ZNF90: variants seen among roughly 807,000 people sequenced by gnomAD.
The protein encoded by ZNF90 is zinc finger protein 90.
A neutral mutation model predicts 12.0 loss-of-function variants in ZNF90; 11 were observed. That is an observed-to-expected ratio of 0.92 (90% CI 0.58 to 1.52). The LOEUF is 1.52. Among genes scored for constraint, ZNF90 ranks in the 40% most tolerant of loss-of-function variants. The pLI, the probability that ZNF90 is intolerant of heterozygous loss-of-function variation, is 0.00. For synonymous variants in ZNF90, 232 were observed against 240.1 expected (o/e 0.97, Z 0.31); for missense variants, 765 against 711.5 (o/e 1.08, Z -0.86).
intron 1 of ZNF90, among the ~76,000 whole-genome samples, chr19:20,079,158 A>C (rs7246986): frequency 1.8e-4 from 27 of 150,626 alleles, no homozygotes; most frequent in African/African-American, 6.6e-4. Context: ...TAAAATTTCC[A>C]TCCTTTATGT....
At chr19:20,082,115 T>G (rs934586146) in intron 1 of ZNF90, among the ~76,000 whole-genome samples, 28 of 152,086 alleles carry the variant, frequency 1.8e-4, no homozygotes, top group Admixed American at 1.6e-3. Context: ...ACATATGGGT[T>G]TGTTATACAG....
intron 2 of ZNF90, 59 bp from the exon 3 acceptor site, chr19:20,105,162 A>G (rs1322549371): frequency 1.5e-6 from 2 of 1,347,564 alleles, no homozygotes; most frequent in Non-Finnish European, 2.1e-6. Flanking sequence ...TGAGCACAGT[A>G]CTAGCTTGTA....
At chr19:20,093,160 C>T (rs574693403) in intron 1 of ZNF90, among the ~76,000 whole-genome samples, 18 of 152,156 alleles carry the variant, frequency 1.2e-4, no homozygotes, top group South Asian at 6.2e-4. Flanking sequence ...AAAGAGTGTA[C>T]GGGTTGGGCA....
chr19:20,117,013 T>TTGTGTGTGTGTGTGTGTG (rs371655051), intron 3 of ZNF90, among the ~76,000 whole-genome samples: 22 of 128,700 alleles, frequency 1.7e-4, no homozygotes, highest in African/African-American at 7.1e-4. Flanking sequence ...CAACTTACAT[T>TTGTGTGTGTGTGTGTGTG]TGTGTGTGTG....
Position 20,119,539 on chromosome 19 carries a change from A to C in ZNF90, c.*179A>C, listed in dbSNP as rs2089178145. 1.6e-6 allele frequency: 1 copy of C among 621,922 alleles called. No homozygotes were observed. The highest frequency in any genetic ancestry group is 2.8e-5 in the East Asian group (1 of 35,376). The allele number at this position is 621,922 out of a possible 1,614,324, so 38.5% of individuals were successfully genotyped here. On this transcript the variant is annotated 3_prime_UTR_variant, in exon 4 of 4. Transcript: ENST00000418063. ...GACAAATCATTTTAAGGAAGTTCTC[A>C]ACCCTTACTACACATAATTCATACT...
At chr19:20,095,029 ACTTAGC>A (rs2088931972) in intron 1 of ZNF90, among the ~76,000 whole-genome samples, 1 of 151,870 alleles carries the variant, frequency 6.6e-6, no homozygotes, top group South Asian at 2.1e-4. Flanking sequence ...AAGAATTGGG[ACTTAGC>A]TCGGCCTGGC....
intron 3 of ZNF90, among the ~76,000 whole-genome samples, chr19:20,108,272 A>G (rs2089056638): frequency 6.6e-6 from 1 of 152,334 alleles, no homozygotes; most frequent in East Asian, 1.9e-4. Flanking sequence ...TGATGAATAC[A>G]TAGTGATGGT....
intron 1 of ZNF90, among the ~76,000 whole-genome samples, chr19:20,098,291 A>G (rs532490783): frequency 2.4e-4 from 36 of 152,230 alleles, no homozygotes; most frequent in Non-Finnish European, 4.7e-4. Context: ...GAAAACTAAC[A>G]AAAGGCATTT....
rs782813681 is a variant in ZNF90 at position 20,105,251 on chromosome 19, C to T, written c.161C>T (p.Thr54Ile). The change falls in exon 3 of 4, where the codon ACC becomes ATC. Residue 54 changes from threonine (T) to isoleucine (I), a missense_variant. Transcript: ENST00000418063. ...GIVVTKPDLI[T>I]CLEQGKKPFT... ...GTTGTCACTAAGCCAGACCTGATCA[C>T]CTGTCTGGAGCAAGGAAAAAAACCC... The T allele has an allele frequency of 6.2e-7, 1 of 1,606,700 alleles. No individual in the cohort carries two copies. The highest frequency in any genetic ancestry group is 1.3e-5 in the African/African-American group (1 of 74,588).
At chr19:20,086,711 T>G (rs1203499096) in intron 1 of ZNF90, among the ~76,000 whole-genome samples, 1 of 152,228 alleles carries the variant, frequency 6.6e-6, no homozygotes, top group African/African-American at 2.4e-5. Context: ...ACTATATACA[T>G]TATGACTAGT....
At chr19:20,111,333 T>A (rs1429180157) in intron 3 of ZNF90, among the ~76,000 whole-genome samples, 2 of 152,084 alleles carry the variant, frequency 1.3e-5, no homozygotes, top group Non-Finnish European at 2.9e-5. Flanking sequence ...GATGATCTCA[T>A]TTCAGCCTTT....
intron 1 of ZNF90, among the ~76,000 whole-genome samples, chr19:20,092,133 G>A (rs1403080137): frequency 2.0e-5 from 3 of 152,166 alleles, no homozygotes; most frequent in Admixed American, 1.3e-4. Flanking sequence ...TTTAAGTCCA[G>A]GCCAGGAACA....
intron 1 of ZNF90, among the ~76,000 whole-genome samples, chr19:20,101,461 C>T (rs1568287405): frequency 6.6e-6 from 1 of 152,296 alleles, no homozygotes; most frequent in East Asian, 1.9e-4. Context: ...CAAAGACCCA[C>T]CCCTTAACTA....
rs146825399 is a variant in ZNF90, at chr19:20,094,688, C to G, written c.4-9551C>G. Among the ~76,000 whole-genome samples the G allele has an allele frequency of 4.2e-3, 633 of 152,242 alleles. 5 individuals carry two copies. The highest frequency in any genetic ancestry group is 0.015 in the African/African-American group (605 of 41,546). On this transcript the variant is annotated intron_variant, in intron 1 of 3. Coordinates refer to ENST00000418063, the MANE Select transcript of ZNF90 (RefSeq NM_007138.2). ...ATGAGATTGGGCTAGAGAAGAAACT[C>G]TTTCCCATTCATCTGGGGAGAGGGT... is the stretch of plus-strand genomic sequence containing the variant.
rs371388193 is a variant in ZNF90, at chr19:20,079,314, T to G, written c.3+1179T>G. ...AAGCCTGCAAAAGGAGGGTTTTTTT[T>G]TTTTTTTTGAGATGGAGTTTGTCCA... On this transcript the variant is annotated intron_variant, in intron 1 of 3. Transcript: ENST00000418063. 3.9e-3 allele frequency among the ~76,000 whole-genome samples: 595 copies of G among 151,814 alleles called. 5 individuals carry two copies. Among genetic ancestry groups the G allele is most frequent in the Middle Eastern group, 0.017 (5 of 294 alleles).
chr19:20,095,959 G>GTATAAT (rs2088941830), intron 1 of ZNF90, among the ~76,000 whole-genome samples: 1 of 152,188 alleles, frequency 6.6e-6, no homozygotes, highest in African/African-American at 2.4e-5. Context: ...AATCAGAGAG[G>GTATAAT]CATCCCTGCA....
intron 1 of ZNF90, among the ~76,000 whole-genome samples, chr19:20,093,438 G>A (rs1367751278): frequency 6.6e-6 from 1 of 152,138 alleles, no homozygotes; most frequent in Non-Finnish European, 1.5e-5. Flanking sequence ...GCCAGGGAAG[G>A]AGTAGAGATG....
Position 20,118,452 on chromosome 19 carries a change from C to A in ZNF90, c.898C>A (p.Leu300Ile), listed in dbSNP as rs565386984. 79 of 1,613,028 alleles carry A rather than the reference C, an allele frequency of 4.9e-5. 1 individual carries two copies. In the South Asian group the frequency reaches 7.9e-4, roughly 16 times the overall value. ...CAGAGCATTTATTTCATCCTCGATC[C>A]TTTATGTACATAAGATAAGTCATAC... ...CGRAFISSSI[L>I]YVHKISHTEE... Residue 300 changes from leucine to isoleucine, a missense_variant, in exon 4 of 4, where the codon CTT becomes ATT. Coordinates refer to ENST00000418063, the MANE Select transcript of ZNF90 (RefSeq NM_007138.2).
chr19:20,106,013 T>A (rs1599649558), intron 3 of ZNF90, among the ~76,000 whole-genome samples: 1 of 148,188 alleles, frequency 6.7e-6, no homozygotes, highest in African/African-American at 2.5e-5. Flanking sequence ...TAAAATATTT[T>A]AAAATTTATT....
Sources: gnomAD v4.1 joint callset for allele counts (sites outside exome capture counted in the v4.1 genomes callset) on GRCh38, gnomAD v4.1.1 for gene constraint, MANE v1.5 for transcripts, NCBI Gene and HGNC (gene_info 2026-07-23, HGNC 2026-07-21) for gene names.